GOLGA7B: variants seen among roughly 807,000 people sequenced by gnomAD.
The protein encoded by GOLGA7B is golgin A7 family member B, also known as golgin subfamily A member 7B.
GOLGA7B carries 17 observed loss-of-function variants against 21.5 expected under a neutral mutation model. The observed-to-expected ratio is 0.79, with a 90% CI of 0.54 to 1.19. The LOEUF is 1.19. GOLGA7B is among the 50% of genes most tolerant of loss of function. The pLI, the probability that GOLGA7B is intolerant of heterozygous loss-of-function variation, is 0.00. For synonymous variants in GOLGA7B, 87 were observed against 84.0 expected, an observed-to-expected ratio of 1.04 and a Z score of -0.19; for missense variants, 169 against 224.4, an observed-to-expected ratio of 0.75 and a Z score of 1.58.
chr10:97,865,633 C>G lies in GOLGA7B; in HGVS notation c.437C>G (p.Ser146Cys), dbSNP rs2050011762. 1.2e-6 allele frequency: 2 copies of G among 1,612,678 alleles called. No individual in the cohort carries two copies. ...GAGGACCGGTGCAGCAGTGGCAGCT[C>G]CAGCAGCGGCAGCAGCAGCGGCAGT... ...IYEDRCSSGS[S>C]SSGSSSGSGS... is the part of the protein sequence containing the mutation. The change falls in exon 5 of 5, where the codon TCC becomes TGC. Residue 146 changes from serine (S) to cysteine (C), a missense_variant. Ser to Cys is a moderately radical substitution (Grantham distance 112). Transcript: ENST00000370602.
chr10:97,855,035 G>T (rs769363266), intron 1 of GOLGA7B, among the ~76,000 whole-genome samples: 4 of 152,184 alleles, frequency 2.6e-5, no homozygotes, highest in South Asian at 2.1e-4. Context: ...ATTCTACTCA[G>T]TCATAGGGAC....
At chr10:97,863,080 G>C (rs1453707836) in intron 2 of GOLGA7B, among the ~76,000 whole-genome samples, 1 of 152,176 alleles carries the variant, frequency 6.6e-6, no homozygotes, top group African/African-American at 2.4e-5. Context: ...GGGAGCTCTT[G>C]ATCACAGCTG....
Position 97,865,803 on chromosome 10 carries a change from G to C in GOLGA7B, c.*103G>C. ...CACCCGCTTCTGAGTCATTCTTTGG[G>C]CTCACCCTGCTGCCCGGGGTGGGAG... On this transcript the variant is annotated 3_prime_UTR_variant, in exon 5 of 5. Coordinates refer to ENST00000370602, the MANE Select transcript of GOLGA7B (RefSeq NM_001010917.3). The C allele has an allele frequency of 8.8e-7, 1 of 1,137,932 alleles. No individual in the cohort carries two copies. The allele number at this position is 1,137,932 out of a possible 1,614,324, so 70.5% of individuals were successfully genotyped here. A position where few individuals can be genotyped will look rare whatever the true frequency, so the allele number is the denominator to read the frequency against.
At chr10:97,853,355 AG>A (rs1224415786) in intron 1 of GOLGA7B, among the ~76,000 whole-genome samples, 3 of 152,012 alleles carry the variant, frequency 2.0e-5, no homozygotes, top group African/African-American at 4.8e-5. Context: ...AGATGGCGCC[AG>A]GGGGGCACTC....
At chr10:97,864,329 G>A in intron 4 of GOLGA7B, 60 bp downstream of exon 4, 5 of 1,458,208 alleles carry the variant, frequency 3.4e-6, no homozygotes, top group Admixed American at 1.8e-5. Flanking sequence ...AGAGATCCTG[G>A]TGAGGCTGCC....
intron 2 of GOLGA7B, among the ~76,000 whole-genome samples, chr10:97,862,587 C>T (rs1199546215): frequency 6.6e-6 from 1 of 152,098 alleles, no homozygotes; most frequent in East Asian, 1.9e-4. Context: ...TCATCCTCGT[C>T]ATCTTCATGT....
Position 97,865,963 on chromosome 10 carries a change from C to G in GOLGA7B, c.*263C>G, listed in dbSNP as rs2050018562. The G allele has an allele frequency of 4.1e-6, 2 of 493,746 alleles. No individual in the cohort carries two copies. The highest frequency in any genetic ancestry group is 3.6e-5 in the Admixed American group (1 of 27,960). The allele number at this position is 493,746 out of a possible 1,614,324, so 30.6% of individuals were successfully genotyped here. A position where few individuals can be genotyped will look rare whatever the true frequency, so the allele number is the denominator to read the frequency against. On this transcript the variant is annotated 3_prime_UTR_variant, in exon 5 of 5. Transcript: ENST00000370602. Reference sequence around the variant, plus strand: ...GGGGCTGGTCTGGGCCACACAGAGACAGATCTTCCTAGGAAGGCTGGGGTG... The same window carrying G: ...GGGGCTGGTCTGGGCCACACAGAGAGAGATCTTCCTAGGAAGGCTGGGGTG...
intron 4 of GOLGA7B, among the ~76,000 whole-genome samples, chr10:97,864,849 C>G (rs759542478): frequency 5.9e-5 from 9 of 152,180 alleles, no homozygotes; most frequent in Non-Finnish European, 1.2e-4. Context: ...GGGCGTGGTT[C>G]TGCTGACTTT....
chr10:97,866,729 TGA>T lies in GOLGA7B; in HGVS notation c.*1031_*1032del, dbSNP rs2050030297. Reference sequence around the variant, plus strand: ...ACGTGTGCACAAATGTGCATTTATATGAGTGTGAGTGCATGCATGTGCATGAA... The same window carrying T: ...ACGTGTGCACAAATGTGCATTTATATGTGTGAGTGCATGCATGTGCATGAA... On this transcript the variant is annotated 3_prime_UTR_variant, in exon 5 of 5. Coordinates refer to ENST00000370602, the MANE Select transcript of GOLGA7B (RefSeq NM_001010917.3). 1 of 152,200 alleles carries T rather than the reference TGA, an allele frequency of 6.6e-6. No individual in the cohort carries two copies. Among genetic ancestry groups the T allele is most frequent in the Non-Finnish European group, 1.5e-5 (1 of 68,022 alleles). 9.4% of individuals were successfully genotyped at this position (152,200 alleles called of 1,614,324 possible). A position where few individuals can be genotyped will look rare whatever the true frequency, so the allele number is the denominator to read the frequency against.
intron 2 of GOLGA7B, among the ~76,000 whole-genome samples, 155 bp from the exon 3 acceptor site, chr10:97,863,775 T>A (rs1214115486): frequency 6.6e-6 from 1 of 152,248 alleles, no homozygotes; most frequent in East Asian, 1.9e-4. Flanking sequence ...AGGCCAGTGC[T>A]CTTTCGGCTC....
chr10:97,859,586 A>T lies in GOLGA7B; in HGVS notation c.138+3A>T. 6.2e-7 allele frequency: 1 copy of T among 1,613,368 alleles called. No individual in the cohort carries two copies. Among genetic ancestry groups the T allele is most frequent in the Non-Finnish European group, 8.5e-7 (1 of 1,179,592 alleles). ...TCCCCCCAGAGCTGGACAGCCGGGT[A>T]AGGATGCCTTTTTCTGCACTTGGAA... On this transcript the variant is annotated splice_donor_region_variant and intron_variant, in intron 2 of 4. Coordinates refer to ENST00000370602, the MANE Select transcript of GOLGA7B (RefSeq NM_001010917.3).
chr10:97,865,767 C>A lies in GOLGA7B; in HGVS notation c.*67C>A. 6.7e-7 allele frequency: 1 copy of A among 1,492,390 alleles called. No homozygotes were observed. The allele number at this position is 1,492,390 out of a possible 1,614,324, so 92.4% of individuals were successfully genotyped here. A position where few individuals can be genotyped will look rare whatever the true frequency, so the allele number is the denominator to read the frequency against. ...GGGCCTTGCAGACCTGCGGCGGCTG[C>A]GCTACCAGAGCACCCGCTTCTGAGT... On this transcript the variant is annotated 3_prime_UTR_variant, in exon 5 of 5. Coordinates refer to ENST00000370602, the MANE Select transcript of GOLGA7B (RefSeq NM_001010917.3).
intron 1 of GOLGA7B, among the ~76,000 whole-genome samples, chr10:97,857,265 T>G (rs2049940943): frequency 6.6e-6 from 1 of 152,040 alleles, no homozygotes; most frequent in Non-Finnish European, 1.5e-5. Flanking sequence ...TGGTGAGAAC[T>G]AGGGGTCCAG....
rs764936617 is a variant in GOLGA7B, at chr10:97,859,439, C to T, written c.13-19C>T. 1.2e-5 allele frequency: 20 copies of T among 1,613,040 alleles called. No homozygotes were observed. Among genetic ancestry groups the T allele is most frequent in the Admixed American group, 3.3e-5 (2 of 59,928 alleles). ...ATGGATGGTCACTCTCAGCACATGC[C>T]GCCCGCACGTCTCCTCAGGTCCACA... is the stretch of plus-strand genomic sequence containing the variant. On this transcript the variant is annotated intron_variant, in intron 1 of 4. Transcript: ENST00000370602.
chr10:97,858,324 C>A (rs964280206), intron 1 of GOLGA7B, among the ~76,000 whole-genome samples: 2 of 152,156 alleles, frequency 1.3e-5, no homozygotes, highest in African/African-American at 2.4e-5. Context: ...CTCAGCACCC[C>A]CAGAGCTTGG....
intron 2 of GOLGA7B, among the ~76,000 whole-genome samples, chr10:97,862,312 G>A (rs901813333): frequency 2.0e-5 from 3 of 152,190 alleles, no homozygotes; most frequent in Non-Finnish European, 4.4e-5. Flanking sequence ...ACAACACAGG[G>A]TTAGGGGTGC....
At chr10:97,862,767 T>C (rs2049978679) in intron 2 of GOLGA7B, among the ~76,000 whole-genome samples, 1 of 151,802 alleles carries the variant, frequency 6.6e-6, no homozygotes, top group African/African-American at 2.4e-5. Context: ...ACTAGAAGAA[T>C]AAGGGGAGGA....
chr10:97,866,640 A>G lies in GOLGA7B; in HGVS notation c.*940A>G, dbSNP rs1329046214. Reference sequence around the variant, plus strand: ...TGAGCGCATGTGTGTGCACCAGTGCACAAGTGTATGAATGTGGACACATTT... The same window carrying G: ...TGAGCGCATGTGTGTGCACCAGTGCGCAAGTGTATGAATGTGGACACATTT... On this transcript the variant is annotated 3_prime_UTR_variant, in exon 5 of 5. Transcript: ENST00000370602. The G allele has an allele frequency of 1.3e-5, 2 of 152,276 alleles. No homozygotes were observed. Among genetic ancestry groups the G allele is most frequent in the East Asian group, 3.8e-4 (2 of 5,204 alleles). 9.4% of individuals were successfully genotyped at this position (152,276 alleles called of 1,614,324 possible).
intron 1 of GOLGA7B, among the ~76,000 whole-genome samples, chr10:97,853,798 TG>T (rs1357883883): frequency 6.6e-6 from 1 of 152,208 alleles, no homozygotes; most frequent in Non-Finnish European, 1.5e-5. Context: ...CACGGATCTC[TG>T]CTGAAAACCC....
Sources: gnomAD v4.1 joint callset for allele counts (sites outside exome capture counted in the v4.1 genomes callset) on GRCh38, gnomAD v4.1.1 for gene constraint, MANE v1.5 for transcripts, NCBI Gene and HGNC (gene_info 2026-07-23, HGNC 2026-07-21) for gene names.